Variants in BACH2 observed in about 807,000 individuals in gnomAD.
The protein encoded by BACH2 is transcription regulator protein BACH2.
A neutral mutation model predicts 61.8 loss-of-function variants in BACH2; 5 were observed. The observed-to-expected ratio is 0.08, with a 90% CI of 0.04 to 0.17. BACH2 has a LOEUF of 0.17. Ranked by LOEUF, BACH2 falls within the 10% of genes least tolerant of loss-of-function variation. BACH2 has a pLI of 1.00. For synonymous variants in BACH2, 446 were observed against 440.1 expected (o/e 1.01, Z -0.17); for missense variants, 824 against 1,091.1 (o/e 0.76, Z 3.45).
intron 4 of BACH2, among the ~76,000 whole-genome samples, chr6:90,200,783 A>G (rs1276696451): frequency 1.3e-5 from 2 of 152,212 alleles, no homozygotes; most frequent in Non-Finnish European, 2.9e-5. Context: ...CGGTCTTTTT[A>G]TCATGTATAT....
Position 89,932,400 on chromosome 6 carries a change from C to T in BACH2, c.*8G>A. The T allele has an allele frequency of 6.2e-7, 1 of 1,602,896 alleles. No homozygotes were observed. Among genetic ancestry groups the T allele is most frequent in the Non-Finnish European group, 8.5e-7 (1 of 1,170,744 alleles). On this transcript the variant is annotated 3_prime_UTR_variant, in exon 9 of 9. Coordinates refer to ENST00000257749, the MANE Select transcript of BACH2 (RefSeq NM_021813.4). ...GAGGTGTGCGGACTGGGAGGCAGAG[C>T]CGAGTCACTAGGTATAATCTTTCCT...
intron 5 of BACH2, among the ~76,000 whole-genome samples, 163 bp from the exon 6 acceptor site, chr6:90,009,019 C>G (rs1469888060): frequency 6.6e-6 from 1 of 152,216 alleles, no homozygotes; most frequent in Non-Finnish European, 1.5e-5. Flanking sequence ...TTTGTGCTTA[C>G]TCTGTACAAT....
chr6:89,953,507 C>T (rs748057662), intron 6 of BACH2, among the ~76,000 whole-genome samples: 78 of 152,246 alleles, frequency 5.1e-4, no homozygotes, highest in Non-Finnish European at 1.0e-3. Flanking sequence ...CTGCTAGACC[C>T]ACATTATAAA....
At chr6:90,205,222 C>G (rs1244237328) in intron 4 of BACH2, among the ~76,000 whole-genome samples, 1 of 152,176 alleles carries the variant, frequency 6.6e-6, no homozygotes, top group Non-Finnish European at 1.5e-5. Context: ...TCCATATGCT[C>G]TTTTCACAAC....
chr6:90,058,926 G>A (rs903129790), intron 5 of BACH2, among the ~76,000 whole-genome samples: 2 of 152,206 alleles, frequency 1.3e-5, no homozygotes, highest in African/African-American at 4.8e-5. Context: ...GCCATATGTA[G>A]AAAGCTGAAA....
intron 4 of BACH2, chr6:90,116,741 A>C: frequency 2.3e-6 from 1 of 431,586 alleles, no homozygotes; most frequent in Non-Finnish European, 4.4e-6. Flanking sequence ...ATCAACTGCT[A>C]CCACATAAGT....
intron 2 of BACH2, among the ~76,000 whole-genome samples, chr6:90,252,828 G>A (rs1414804351): frequency 6.6e-6 from 1 of 152,188 alleles, no homozygotes; most frequent in Non-Finnish European, 1.5e-5. Context: ...TGGAGGTCCA[G>A]CAGCCTCTTG....
At chr6:90,144,652 G>A (rs563051383) in intron 4 of BACH2, among the ~76,000 whole-genome samples, 1 of 152,328 alleles carries the variant, frequency 6.6e-6, no homozygotes, top group Admixed American at 6.5e-5. Context: ...CAATGACTGG[G>A]TGAGTAAGCC....
intron 4 of BACH2, among the ~76,000 whole-genome samples, chr6:90,116,223 C>T (rs1355625945): frequency 1.3e-5 from 2 of 152,094 alleles, no homozygotes; most frequent in African/African-American, 2.4e-5. Flanking sequence ...TTCACAATAG[C>T]AAAGACATGG....
In BACH2 at chr6:90,065,270, C is replaced by CTTTTTTTTTTT. The variant is rs71027920; in HGVS notation, c.-13+23680_-13+23690dup. Reference sequence around the variant, plus strand: ...GCCACCCCACCCCCTGCCGCCCCCACTTTTTTTTTTTTTTTTTTTTTTTTT... The same window carrying CTTTTTTTTTTT: ...GCCACCCCACCCCCTGCCGCCCCCACTTTTTTTTTTTTTTTTTTTTTTTTTTTTTTTTTTTT... On this transcript the variant is annotated intron_variant, in intron 5 of 8. Coordinates refer to ENST00000257749, the MANE Select transcript of BACH2 (RefSeq NM_021813.4). 4.4e-4 allele frequency among the ~76,000 whole-genome samples: 23 copies of CTTTTTTTTTTT among 52,666 alleles called. 2 individuals carry two copies. The highest frequency in any genetic ancestry group is 2.8e-3 in the East Asian group (4 of 1,450). 34.6% of individuals were successfully genotyped at this position (52,666 alleles called of 152,430 possible).
Position 89,929,866 on chromosome 6 carries a change from AGAG to A in BACH2, c.*2539_*2541del, listed in dbSNP as rs950229700. On this transcript the variant is annotated 3_prime_UTR_variant, in exon 9 of 9. Coordinates refer to ENST00000257749, the MANE Select transcript of BACH2 (RefSeq NM_021813.4). ...CAGAAAGTGTTCTTTTTTTAAAAGA[AGAG>A]GAGAGGTCACTTGGAAAGGCAACAA... 5 of 152,432 alleles carry A rather than the reference AGAG, an allele frequency of 3.3e-5. No homozygotes were observed. The highest frequency in any genetic ancestry group is 3.4e-3 in the Middle Eastern group (1 of 294). 9.4% of individuals were successfully genotyped at this position (152,432 alleles called of 1,614,324 possible).
At chr6:89,979,651 G>A (rs1775843370) in intron 6 of BACH2, among the ~76,000 whole-genome samples, 2 of 152,088 alleles carry the variant, frequency 1.3e-5, no homozygotes, top group South Asian at 4.1e-4. Flanking sequence ...CTAGACCATA[G>A]GATTAATTTC....
Position 90,008,464 on chromosome 6 carries a change from C to T in BACH2, c.243+138G>A, listed in dbSNP as rs1777530682. The T allele has an allele frequency of 9.5e-7, 1 of 1,047,342 alleles. No individual in the cohort carries two copies. The highest frequency in any genetic ancestry group is 1.6e-5 in the South Asian group (1 of 63,782). The allele number at this position is 1,047,342 out of a possible 1,614,324, so 64.9% of individuals were successfully genotyped here. A position where few individuals can be genotyped will look rare whatever the true frequency, so the allele number is the denominator to read the frequency against. The stretch of plus-strand genomic sequence containing the variant: ...TGTATCAAATAGAAACTGACTATGC[C>T]ACAGACCTAACATGTGACTTGGACA... On this transcript the variant is annotated intron_variant, in intron 6 of 8. Coordinates refer to ENST00000257749, the MANE Select transcript of BACH2 (RefSeq NM_021813.4). The surrounding 1 kb of genome is among the most constrained non-coding windows in gnomAD (Gnocchi z 4.1).
At chr6:90,100,989 C>G (rs1318535927) in intron 4 of BACH2, among the ~76,000 whole-genome samples, 1 of 152,108 alleles carries the variant, frequency 6.6e-6, no homozygotes, top group Non-Finnish European at 1.5e-5. Flanking sequence ...TTTGCATTTC[C>G]CTAATGACCA....
chr6:90,180,860 T>TACACAC (rs111933173), intron 4 of BACH2, among the ~76,000 whole-genome samples: 1,764 of 147,250 alleles, frequency 0.012, 33 homozygotes, highest in African/African-American at 0.034. Context: ...TTATGTGTAT[T>TACACAC]ACACACACAC....
chr6:90,212,621 G>A (rs550449107), intron 3 of BACH2, among the ~76,000 whole-genome samples: 2 of 152,296 alleles, frequency 1.3e-5, no homozygotes, highest in African/African-American at 4.8e-5. Flanking sequence ...AGAACAACAA[G>A]AGCATCTTCC....
At chr6:90,212,523 G>GC (rs991553827) in intron 3 of BACH2, among the ~76,000 whole-genome samples, 90 of 152,276 alleles carry the variant, frequency 5.9e-4, no homozygotes, top group African/African-American at 1.9e-3. Flanking sequence ...ACATGGTTCT[G>GC]CCCCAAGAGA....
chr6:90,020,578 C>A lies in BACH2; in HGVS notation c.-12-11722G>T, dbSNP rs140917339. Among the ~76,000 whole-genome samples the A allele has an allele frequency of 3.3e-3, 436 of 130,370 alleles. 3 individuals carry two copies. Among genetic ancestry groups the A allele is most frequent in the African/African-American group, 0.011 (409 of 36,668 alleles). The allele number at this position is 130,370 out of a possible 152,430, so 85.5% of individuals were successfully genotyped here. ...ACCTCGAACTTGCCAGCCTCTAGAA[C>A]TGTAAGAAATAATTTTCTTTATACA... On this transcript the variant is annotated intron_variant, in intron 5 of 8. Transcript: ENST00000257749.
chr6:90,191,551 C>G (rs114169923), intron 4 of BACH2, among the ~76,000 whole-genome samples: 1 of 152,254 alleles, frequency 6.6e-6, no homozygotes, highest in Non-Finnish European at 1.5e-5. Flanking sequence ...TCCAATGTGA[C>G]GGAATGGAAA....
Sources: allele counts gnomAD v4.1 joint callset (sites outside exome capture counted in the v4.1 genomes callset), GRCh38; gene constraint gnomAD v4.1.1; non-coding constraint Gnocchi (gnomAD v3.1); transcripts MANE v1.5; gene names NCBI Gene and HGNC (gene_info 2026-07-23, HGNC 2026-07-21).